The following CACNA2D3 variants were observed in gnomAD, a reference collection of about 807,000 sequenced individuals.
CACNA2D3 encodes voltage-dependent calcium channel subunit alpha-2/delta-3.
CACNA2D3 carries 60 observed loss-of-function variants against 160.6 expected under a neutral mutation model. The observed-to-expected ratio is 0.37, with a 90% CI of 0.30 to 0.46. The LOEUF (loss-of-function observed/expected upper bound fraction) is 0.46. CACNA2D3 is among the 20% of genes least tolerant of loss of function. The probability of loss-of-function intolerance (pLI) is 1.00; values close to 1 mark genes in which losing one functional copy is unlikely to be tolerated. For missense variants in CACNA2D3, 1,205 were observed against 1,365.0 expected (o/e 0.88, Z 1.85); for synonymous variants, 558 against 492.9 (o/e 1.13, Z -1.75).
rs148428060 is a variant in CACNA2D3, at chr3:54,457,804, A to G, written c.382-45688A>G. Among the ~76,000 whole-genome samples the G allele has an allele frequency of 5.8e-3, 888 of 152,108 alleles. 8 individuals carry two copies. Among genetic ancestry groups the G allele is most frequent in the Non-Finnish European group, 0.011 (722 of 67,924 alleles). On this transcript the variant is annotated intron_variant, in intron 4 of 37. Transcript: ENST00000474759. ...ATATTTACAATTTTTATATCCTCTCACTGAATGATCCCTTTGTCATTACAT... is the reference window on the plus strand; with the variant it reads ...ATATTTACAATTTTTATATCCTCTCGCTGAATGATCCCTTTGTCATTACAT...
intron 3 of CACNA2D3, among the ~76,000 whole-genome samples, chr3:54,362,984 C>T (rs1461147576): frequency 6.6e-6 from 1 of 152,158 alleles, no homozygotes; most frequent in Non-Finnish European, 1.5e-5. Flanking sequence ...ATCATGAGGT[C>T]AGGAGATTGA....
chr3:54,570,921 C>T (rs1702485923), intron 8 of CACNA2D3, among the ~76,000 whole-genome samples: 2 of 152,146 alleles, frequency 1.3e-5, no homozygotes, highest in Admixed American at 6.5e-5. Flanking sequence ...TGACCATGGC[C>T]TGTGACACAG....
intron 13 of CACNA2D3, among the ~76,000 whole-genome samples, chr3:54,807,662 C>A (rs975015478): frequency 9.2e-5 from 14 of 151,650 alleles, no homozygotes; most frequent in African/African-American, 2.9e-4. Flanking sequence ...CCTCAGGGAT[C>A]TAGAACTAGA....
intron 2 of CACNA2D3, among the ~76,000 whole-genome samples, chr3:54,237,986 G>A (rs772841431): frequency 1.3e-5 from 2 of 152,132 alleles, no homozygotes; most frequent in Non-Finnish European, 2.9e-5. Flanking sequence ...GAGTGGTGTG[G>A]TGTGGCTCAT....
chr3:54,389,748 A>G (rs1395278746), intron 4 of CACNA2D3, among the ~76,000 whole-genome samples: 2 of 152,236 alleles, frequency 1.3e-5, no homozygotes, highest in African/African-American at 4.8e-5. Flanking sequence ...CTCGTCTTCA[A>G]AAATGCCAAG....
chr3:54,873,739 G>A (rs900517975), intron 18 of CACNA2D3, among the ~76,000 whole-genome samples: 2 of 152,108 alleles, frequency 1.3e-5, no homozygotes, highest in South Asian at 2.1e-4. Flanking sequence ...TTACGTCTTT[G>A]GTTTGAGTCT....
At chr3:54,573,022 G>A (rs1702525072) in intron 8 of CACNA2D3, among the ~76,000 whole-genome samples, 1 of 152,098 alleles carries the variant, frequency 6.6e-6, no homozygotes. Flanking sequence ...AAGTAGGCAT[G>A]CCAGTTATTA....
chr3:54,526,673 A>G (rs1174362851), intron 5 of CACNA2D3, among the ~76,000 whole-genome samples: 1 of 152,066 alleles, frequency 6.6e-6, no homozygotes, highest in African/African-American at 2.4e-5. Context: ...TTAAGTACCC[A>G]TAAGTATTTG....
intron 5 of CACNA2D3, among the ~76,000 whole-genome samples, chr3:54,543,512 G>GT (rs1559508790): frequency 6.6e-6 from 1 of 152,200 alleles, no homozygotes; most frequent in Admixed American, 6.5e-5. Context: ...AAAAAGAGCT[G>GT]TATGTCTGGT....
chr3:54,956,188 G>A (rs1575405520), intron 27 of CACNA2D3, among the ~76,000 whole-genome samples: 1 of 152,174 alleles, frequency 6.6e-6, no homozygotes, highest in Non-Finnish European at 1.5e-5. Flanking sequence ...ACTTTGAAGT[G>A]GGTATCTCCC....
At chr3:54,588,031 T>C (rs2106750722) in intron 9 of CACNA2D3, among the ~76,000 whole-genome samples, 1 of 152,306 alleles carries the variant, frequency 6.6e-6, no homozygotes, top group Admixed American at 6.5e-5. Context: ...AAGAACAATA[T>C]TTCTCATGAA....
chr3:54,654,713 T>C (rs545170381), intron 11 of CACNA2D3, among the ~76,000 whole-genome samples: 2 of 151,996 alleles, frequency 1.3e-5, no homozygotes, highest in Non-Finnish European at 1.5e-5. Context: ...AATCAGACTT[T>C]TTAGGAGGGA....
At chr3:54,496,052 T>A (rs564042604) in intron 4 of CACNA2D3, among the ~76,000 whole-genome samples, 23 of 152,336 alleles carry the variant, frequency 1.5e-4, no homozygotes, top group Middle Eastern at 6.8e-3. Context: ...ATCCTTTAAC[T>A]GTTAATGGAT....
At chr3:54,235,585 C>T (rs536753873) in intron 2 of CACNA2D3, among the ~76,000 whole-genome samples, 46 of 152,310 alleles carry the variant, frequency 3.0e-4, no homozygotes, top group African/African-American at 1.1e-3. Flanking sequence ...CCAGTCCCCT[C>T]CCCTCAGGCC....
chr3:54,546,661 C>G (rs1004976508), intron 5 of CACNA2D3, among the ~76,000 whole-genome samples: 2 of 151,420 alleles, frequency 1.3e-5, no homozygotes, highest in African/African-American at 2.4e-5. Flanking sequence ...GTTAACCAAC[C>G]AACTGCGTAT....
intron 11 of CACNA2D3, among the ~76,000 whole-genome samples, chr3:54,680,895 C>T (rs116935005): frequency 1.3e-5 from 2 of 152,294 alleles, no homozygotes; most frequent in East Asian, 3.9e-4. Context: ...AGACTGAGCA[C>T]TCACTCTGTG....
chr3:54,297,912 AT>A (rs1314853125), intron 2 of CACNA2D3, among the ~76,000 whole-genome samples: 4 of 152,278 alleles, frequency 2.6e-5, no homozygotes, highest in African/African-American at 9.6e-5. Flanking sequence ...GACCACTAGC[AT>A]TAGTATCACA....
chr3:54,468,680 T>C (rs1384955871), intron 4 of CACNA2D3, among the ~76,000 whole-genome samples: 2 of 152,100 alleles, frequency 1.3e-5, no homozygotes, highest in Non-Finnish European at 2.9e-5. Context: ...GTCCACTGGA[T>C]TGAAATTCTT....
intron 2 of CACNA2D3, among the ~76,000 whole-genome samples, chr3:54,268,518 T>C (rs1013843305): frequency 6.6e-5 from 10 of 152,208 alleles, no homozygotes; most frequent in African/African-American, 2.4e-4. Flanking sequence ...CAAGCGATTC[T>C]CCTGCCTCAG....
Sources: allele counts gnomAD v4.1 joint callset (sites outside exome capture counted in the v4.1 genomes callset), GRCh38; gene constraint gnomAD v4.1.1; transcripts MANE v1.5; gene names NCBI Gene and HGNC (gene_info 2026-07-23, HGNC 2026-07-21).